The following VDAC1 variants were observed in gnomAD, a reference collection of about 807,000 sequenced individuals.
VDAC1 encodes the protein non-selective voltage-gated ion channel VDAC1.
VDAC1 carries 10 observed loss-of-function variants against 34.7 expected under a neutral mutation model. The observed-to-expected ratio is 0.29, with a 90% CI of 0.18 to 0.49. The LOEUF (loss-of-function observed/expected upper bound fraction) is 0.49, where lower values mean the gene tolerates loss of function less well. VDAC1 is among the 20% of genes least tolerant of loss of function. VDAC1 has a pLI of 0.99. For missense variants in VDAC1, 230 were observed against 347.9 expected (o/e 0.66, Z 2.69); for synonymous variants, 130 against 136.0 (o/e 0.96, Z 0.30).
At chr5:134,094,084 G>A in the VDAC1 span, among the ~76,000 whole-genome samples, 10 of 152,238 alleles carry the variant, frequency 6.6e-5, no homozygotes, top group Non-Finnish European at 1.5e-4. Context: ...CGGTGAAGTG[G>A]GGGGCGGTGG....
the VDAC1 span, among the ~76,000 whole-genome samples, chr5:134,028,482 G>A: frequency 2.6e-5 from 4 of 152,308 alleles, no homozygotes; most frequent in East Asian, 7.7e-4. Flanking sequence ...TTGCTATGTA[G>A]GCTTGGTGAT....
the VDAC1 span, among the ~76,000 whole-genome samples, chr5:134,111,091 G>A: frequency 1.3e-5 from 2 of 152,192 alleles, no homozygotes; most frequent in Non-Finnish European, 2.9e-5. Context: ...AGCAGGGCAG[G>A]CCTGCGTATG....
At chr5:133,986,279 CCAGGCTGTACCCT>C (rs1426295792) in intron 5 of VDAC1, among the ~76,000 whole-genome samples, 1 of 152,076 alleles carries the variant, frequency 6.6e-6, no homozygotes, top group Non-Finnish European at 1.5e-5. Context: ...AGGTGTTTTC[CCAGGCTGTACCCT>C]CAGTCACTTT....
intron 5 of VDAC1, among the ~76,000 whole-genome samples, chr5:133,986,682 G>C (rs1211749762): frequency 6.6e-6 from 1 of 152,180 alleles, no homozygotes; most frequent in African/African-American, 2.4e-5. Flanking sequence ...CCCCGCGCCA[G>C]GCCTACAATC....
chr5:134,079,777 G>A, the VDAC1 span, among the ~76,000 whole-genome samples: 1 of 152,186 alleles, frequency 6.6e-6, no homozygotes, highest in Non-Finnish European at 1.5e-5. Flanking sequence ...GTTGCTTTTG[G>A]CGGAGGCATC....
At chr5:134,080,179 T>C in the VDAC1 span, among the ~76,000 whole-genome samples, 1 of 152,242 alleles carries the variant, frequency 6.6e-6, no homozygotes, top group African/African-American at 2.4e-5. Context: ...TTGCCCTCGA[T>C]AAGAACCCAT....
At chr5:134,065,820 G>T in the VDAC1 span, among the ~76,000 whole-genome samples, 3 of 146,370 alleles carry the variant, frequency 2.0e-5, no homozygotes, top group African/African-American at 2.5e-5. Context: ...TTGAGACGGG[G>T]TTTCACTCTT....
the VDAC1 span, among the ~76,000 whole-genome samples, chr5:134,044,573 G>A: frequency 2.0e-5 from 3 of 152,158 alleles, no homozygotes; most frequent in Non-Finnish European, 4.4e-5. Flanking sequence ...TTGCATATCT[G>A]TATGTGTCTG....
chr5:134,020,753 T>G, the VDAC1 span, among the ~76,000 whole-genome samples: 1 of 152,170 alleles, frequency 6.6e-6, no homozygotes, highest in Non-Finnish European at 1.5e-5. Context: ...CTCGGCTCAC[T>G]GCAAGCTCCG....
At chr5:133,981,872 G>A (rs867342183) in intron 5 of VDAC1, among the ~76,000 whole-genome samples, 1 of 152,172 alleles carries the variant, frequency 6.6e-6, no homozygotes, top group East Asian at 1.9e-4. Context: ...ACCACAGGAG[G>A]AACCAGATCC....
In VDAC1 at chr5:133,986,545, C is replaced by T. The variant is rs143091341; in HGVS notation, c.323+4310G>A. On this transcript the variant is annotated intron_variant, in intron 5 of 8. Transcript: ENST00000265333. ...CTGAGTAGCTGGGATTACAGGTGTG[C>T]GCCACCACACCCAGCTAATTTTTGT... Among the ~76,000 whole-genome samples, 768 of 152,034 alleles carry T rather than the reference C, an allele frequency of 5.1e-3. 4 individuals are homozygous for T. Among genetic ancestry groups the T allele is most frequent in the African/African-American group, 0.011 (456 of 41,464 alleles).
the VDAC1 span, among the ~76,000 whole-genome samples, chr5:134,060,932 C>T: frequency 7.8e-6 from 1 of 127,934 alleles, no homozygotes; most frequent in Non-Finnish European, 1.6e-5. Context: ...GGCTGGAGTG[C>T]AATGGTGCGA....
At chr5:134,015,317 T>C in the VDAC1 span, among the ~76,000 whole-genome samples, 2 of 152,076 alleles carry the variant, frequency 1.3e-5, no homozygotes, top group African/African-American at 4.8e-5. Flanking sequence ...CTCAGCACCA[T>C]GCAATATACC....
chr5:134,033,028 A>T, the VDAC1 span, among the ~76,000 whole-genome samples: 1 of 150,342 alleles, frequency 6.7e-6, no homozygotes, highest in Non-Finnish European at 1.5e-5. Flanking sequence ...ATCTCAAAAA[A>T]GGAGAGGGGA....
rs77912131 is a variant in VDAC1 at position 133,997,165 on chromosome 5, A to G, written c.-6-4147T>C. On this transcript the variant is annotated intron_variant, in intron 1 of 8. Coordinates refer to ENST00000265333, the MANE Select transcript of VDAC1 (RefSeq NM_003374.3). Reference sequence around the variant, plus strand: ...ACTCTTGTTCACGCCAAGGGGGAGTACTACAGGTACACTCTTTTTGGAGAG... The same window carrying G: ...ACTCTTGTTCACGCCAAGGGGGAGTGCTACAGGTACACTCTTTTTGGAGAG... Among the ~76,000 whole-genome samples the G allele has an allele frequency of 4.3e-3, 656 of 152,308 alleles. 9 individuals are homozygous for G. In the East Asian group the frequency reaches 0.049, roughly 11 times the overall value.
the VDAC1 span, among the ~76,000 whole-genome samples, chr5:134,113,960 C>T: frequency 6.6e-6 from 1 of 152,238 alleles, no homozygotes; most frequent in East Asian, 1.9e-4. Context: ...GTCACGGAAC[C>T]GAGTTGGGAG....
chr5:133,972,964 G>T, intron 8 of VDAC1, 102 bp from the exon 9 acceptor site: 1 of 973,280 alleles, frequency 1.0e-6, no homozygotes, highest in Non-Finnish European at 1.6e-6. Flanking sequence ...GGTATTATCA[G>T]CAGGGTCCAA....
At chr5:134,018,358 G>A in the VDAC1 span, among the ~76,000 whole-genome samples, 13 of 152,168 alleles carry the variant, frequency 8.5e-5, no homozygotes, top group African/African-American at 2.4e-4. Context: ...AGCCATTCAC[G>A]AGGGATCTGC....
the VDAC1 span, among the ~76,000 whole-genome samples, chr5:134,026,893 T>C: frequency 1.3e-5 from 2 of 152,378 alleles, no homozygotes; most frequent in African/African-American, 4.8e-5. Flanking sequence ...CTGAGGCTGC[T>C]GAAGAAATGC....
Sources: allele counts gnomAD v4.1 joint callset (sites outside exome capture counted in the v4.1 genomes callset), GRCh38; gene constraint gnomAD v4.1.1; transcripts MANE v1.5; gene names NCBI Gene and HGNC (gene_info 2026-07-23, HGNC 2026-07-21).